Variants in BEND7 observed in about 807,000 individuals in gnomAD.
The protein encoded by BEND7 is BEN domain containing 7.
In BEND7, 28 loss-of-function variants were observed where a neutral mutation model predicts 50.9. The observed-to-expected ratio is 0.55, with a 90% CI of 0.41 to 0.75. The LOEUF (loss-of-function observed/expected upper bound fraction) is 0.75, where lower values mean the gene tolerates loss of function less well. BEND7 is among the 30% of genes least tolerant of loss of function. The pLI is 0.00. For missense variants in BEND7, 477 were observed against 491.3 expected, an observed-to-expected ratio of 0.97 and a Z score of 0.28; for synonymous variants, 170 against 183.9, an observed-to-expected ratio of 0.92 and a Z score of 0.61.
chr10:13,492,674 G>C lies in BEND7; in HGVS notation c.774C>G (p.His258Gln). Residue 258 changes from histidine (H) to glutamine (Q), a missense_variant, in exon 5 of 9, where the codon CAC becomes CAG. This residue lies in a region of BEND7 where 396 missense variants were observed against 384.2 expected (regional missense o/e 1.03). Coordinates refer to ENST00000466271, the MANE Select transcript of BEND7 (RefSeq NM_001369863.1). ...GAACGCGGCTCTCCTCCGGGGAGGT[G>C]TGCTCGGCTGCCTGGAGAGCAGATA... ...SELSALQAAE[H>Q]TSPEESRVLG... 1 of 1,614,192 alleles carries C rather than the reference G, an allele frequency of 6.2e-7. No individual in the cohort carries two copies. Among genetic ancestry groups the C allele is most frequent in the Non-Finnish European group, 8.5e-7 (1 of 1,180,040 alleles).
At chr10:13,518,371 G>GCCCAACTCCCTCAGAAA (rs2078848896) in intron 2 of BEND7, among the ~76,000 whole-genome samples, 1 of 152,240 alleles carries the variant, frequency 6.6e-6, no homozygotes, top group Non-Finnish European at 1.5e-5. Flanking sequence ...GTGTGCAGGG[G>GCCCAACTCCCTCAGAAA]CCCAACTCCC....
At chr10:13,501,753 G>A (rs900422721) in intron 2 of BEND7, among the ~76,000 whole-genome samples, 1 of 152,014 alleles carries the variant, frequency 6.6e-6, no homozygotes, top group African/African-American at 2.4e-5. Context: ...GGCTGAGGTG[G>A]AAGGACTGCT....
chr10:13,459,769 T>C (rs1839835236), intron 6 of BEND7: 1 of 152,258 alleles, frequency 6.6e-6, no homozygotes, highest in South Asian at 2.1e-4. Flanking sequence ...AAGGATTCTC[T>C]TTCTGTATCT....
intron 7 of BEND7, among the ~76,000 whole-genome samples, chr10:13,447,890 T>G (rs950874540): frequency 3.3e-5 from 5 of 152,058 alleles, no homozygotes; most frequent in African/African-American, 7.2e-5. Context: ...GCATGTGGGG[T>G]GAATTGTTTA....
At chr10:13,510,554 A>G (rs1198553386) in intron 2 of BEND7, among the ~76,000 whole-genome samples, 1 of 152,246 alleles carries the variant, frequency 6.6e-6, no homozygotes, top group Non-Finnish European at 1.5e-5. Context: ...CAGTACAACG[A>G]AATTATATCA....
chr10:13,479,899 G>T (rs567823132), intron 6 of BEND7, among the ~76,000 whole-genome samples: 1 of 152,300 alleles, frequency 6.6e-6, no homozygotes, highest in East Asian at 1.9e-4. Flanking sequence ...GGACTTTCAA[G>T]CATCCTTTAA....
rs146336385 is a variant in BEND7, at chr10:13,478,500, G to C, written c.1063+2399C>G. 1.3e-4 allele frequency among the ~76,000 whole-genome samples: 20 copies of C among 152,290 alleles called. No homozygotes were observed. The East Asian group carries it at 3.9e-3, about 29-fold the overall frequency. On this transcript the variant is annotated intron_variant, in intron 6 of 8. Transcript: ENST00000466271. ...AGAAATTATCAGAATAAGTCAGGTAGAAATGTTGACTAGCCAGAATGAATG... is the reference window on the plus strand; with the variant it reads ...AGAAATTATCAGAATAAGTCAGGTACAAATGTTGACTAGCCAGAATGAATG...
chr10:13,472,724 C>T (rs1473002991), intron 6 of BEND7, among the ~76,000 whole-genome samples: 1 of 150,420 alleles, frequency 6.6e-6, no homozygotes, highest in Non-Finnish European at 1.5e-5. Flanking sequence ...ATACTCATCG[C>T]TGTTACACTC....
At chr10:13,488,944 G>T (rs2076452128) in intron 5 of BEND7, among the ~76,000 whole-genome samples, 1 of 152,084 alleles carries the variant, frequency 6.6e-6, no homozygotes. Context: ...AACACTATTT[G>T]TTCACGTGTA....
At chr10:13,516,744 T>C (rs1182974431) in intron 2 of BEND7, among the ~76,000 whole-genome samples, 1 of 152,080 alleles carries the variant, frequency 6.6e-6, no homozygotes, top group Non-Finnish European at 1.5e-5. Context: ...AAAAATTATT[T>C]AACAAATACT....
At chr10:13,487,536 G>C (rs188642213) in intron 5 of BEND7, among the ~76,000 whole-genome samples, 1 of 151,760 alleles carries the variant, frequency 6.6e-6, no homozygotes, top group African/African-American at 2.4e-5. Flanking sequence ...ACAGGCATGC[G>C]CCACCACGCC....
At chr10:13,473,020 G>A (rs150533853) in intron 6 of BEND7, among the ~76,000 whole-genome samples, 370 of 151,996 alleles carry the variant, frequency 2.4e-3, no homozygotes, top group African/African-American at 8.6e-3. Flanking sequence ...ACTCAGGGCC[G>A]ATATCTGTCA....
At chr10:13,450,892 G>A (rs1837525291) in intron 7 of BEND7, among the ~76,000 whole-genome samples, 1 of 152,046 alleles carries the variant, frequency 6.6e-6, no homozygotes, top group Non-Finnish European at 1.5e-5. Context: ...CATGGTTAGG[G>A]GATGTGTTCC....
chr10:13,527,340 A>G (rs1047623232), intron 1 of BEND7, among the ~76,000 whole-genome samples: 1 of 152,264 alleles, frequency 6.6e-6, no homozygotes, highest in African/African-American at 2.4e-5. Context: ...GCAGATAAGA[A>G]TGGATCTTCA....
At chr10:13,488,973 T>C (rs1347279894) in intron 5 of BEND7, among the ~76,000 whole-genome samples, 2 of 152,210 alleles carry the variant, frequency 1.3e-5, no homozygotes, top group Non-Finnish European at 2.9e-5. Context: ...CTGATAGATA[T>C]AGATAAGTTT....
At chr10:13,448,124 A>G (rs1836826430) in intron 7 of BEND7, among the ~76,000 whole-genome samples, 1 of 152,210 alleles carries the variant, frequency 6.6e-6, no homozygotes, top group South Asian at 2.1e-4. Context: ...CTAAGTTTTA[A>G]AATGCAAACC....
At chr10:13,462,145 T>C (rs971023506) in intron 6 of BEND7, among the ~76,000 whole-genome samples, 17 of 152,144 alleles carry the variant, frequency 1.1e-4, no homozygotes, top group African/African-American at 2.9e-4. Context: ...AAGAACCAAA[T>C]AGAACTTACA....
chr10:13,487,676 G>A (rs1041781200), intron 5 of BEND7, among the ~76,000 whole-genome samples: 3 of 151,954 alleles, frequency 2.0e-5, no homozygotes, highest in Admixed American at 6.6e-5. Flanking sequence ...GTGAGCCACC[G>A]CACCTGGCCA....
At chr10:13,464,645 A>G (rs1311629504) in intron 6 of BEND7, among the ~76,000 whole-genome samples, 1 of 152,240 alleles carries the variant, frequency 6.6e-6, no homozygotes, top group African/African-American at 2.4e-5. Flanking sequence ...GGGAAGGCAG[A>G]GAAAACAAAT....
Sources: allele counts gnomAD v4.1 joint callset (sites outside exome capture counted in the v4.1 genomes callset), GRCh38; gene constraint gnomAD v4.1.1; regional missense constraint gnomAD v4.1.1; transcripts MANE v1.5; gene names NCBI Gene and HGNC (gene_info 2026-07-23, HGNC 2026-07-21).